Variants in TRNT1 observed in about 807,000 individuals in gnomAD.
TRNT1 encodes CCA tRNA nucleotidyltransferase 1, mitochondrial.
TRNT1 carries 44 observed loss-of-function variants against 45.6 expected under a neutral mutation model. The ratio of observed to expected loss-of-function variants is 0.97; its 90% CI spans 0.76 to 1.24. TRNT1 has a LOEUF of 1.24. TRNT1 is among the 50% of genes most tolerant of loss of function. TRNT1 has a pLI of 0.00. For synonymous variants in TRNT1, 201 were observed against 171.4 expected, an observed-to-expected ratio of 1.17 and a Z score of -1.35; for missense variants, 633 against 504.4, an observed-to-expected ratio of 1.25 and a Z score of -2.44.
downstream of TRNT1, chr3:3,150,263 A>ACTATT (rs1454942941): frequency 6.5e-6 from 1 of 152,724 alleles, no homozygotes; most frequent in African/African-American, 2.4e-5. Context: ...GGAAATGACA[A>ACTATT]CTATTCGTGG....
Position 3,129,114 on chromosome 3 carries a change from A to C in TRNT1, c.74A>C (p.Gln25Pro), listed in dbSNP as rs764391872. Residue 25 changes from glutamine (Q) to proline (P), a missense_variant, in exon 2 of 8, where the codon CAG becomes CCG. By Grantham distance (76) the Gln-to-Pro change is moderately conservative. Transcript: ENST00000251607. ...RRWSRLCLPK[Q>P]YLFTMKLQSP... ...TGGAGTAGGCTGTGCCTTCCGAAGC[A>C]GTATCTATTCACAATGAAGTTGCAG... 5 of 1,614,058 alleles carry C rather than the reference A, an allele frequency of 3.1e-6. No individual in the cohort carries two copies. The East Asian group carries it at 8.9e-5, about 29-fold the overall frequency.
intron 5 of TRNT1, chr3:3,145,502 C>CAAAAAAAAAAAA (rs5846248): frequency 1.1e-5 from 1 of 88,398 alleles, no homozygotes; most frequent in Non-Finnish European, 2.4e-5. Context: ...GACTCCATCT[C>CAAAAAAAAAAAA]AAAAAAAAAA....
intron 1 of TRNT1, 154 bp downstream of exon 1, chr3:3,127,144 A>G (rs146290215): frequency 0.011 from 1,669 of 152,372 alleles, 30 homozygotes; most frequent in Middle Eastern, 0.027. Flanking sequence ...TGGGCAAAAT[A>G]GCCCCGACGC....
At chr3:3,140,467 C>A in intron 3 of TRNT1, 43 bp from the exon 4 acceptor site, 1 of 1,595,574 alleles carries the variant, frequency 6.3e-7, no homozygotes, top group Non-Finnish European at 8.5e-7. Context: ...AGTATGAAAA[C>A]CTAATTTAAA....
downstream of TRNT1, chr3:3,149,735 A>G (rs934342250): frequency 5.3e-5 from 8 of 152,108 alleles, no homozygotes; most frequent in African/African-American, 1.2e-4. Flanking sequence ...CATTTACTCT[A>G]TTTACATAAA....
chr3:3,127,270 G>A (rs1163551793), intron 1 of TRNT1: 1 of 152,280 alleles, frequency 6.6e-6, no homozygotes, highest in African/African-American at 2.4e-5. Flanking sequence ...GGGCCTTGTC[G>A]CCAGCACCCG....
intron 4 of TRNT1, 91 bp from the exon 5 acceptor site, chr3:3,144,493 A>G: frequency 1.6e-6 from 2 of 1,251,856 alleles, no homozygotes; most frequent in Non-Finnish European, 1.1e-6. Context: ...CTGAATTTTT[A>G]CTGTTTGTGA....
chr3:3,150,916 G>A (rs377299607), downstream of TRNT1: 2 of 1,613,824 alleles, frequency 1.2e-6, no homozygotes, highest in African/African-American at 2.7e-5. Context: ...CAGTGTCTGG[G>A]ATCGTGGGCA....
chr3:3,150,659 A>G (rs1208608135), downstream of TRNT1: 36 of 517,402 alleles, frequency 7.0e-5, no homozygotes, highest in Non-Finnish European at 1.2e-4. Context: ...CTGGTATTCT[A>G]GACTGCCGTT....
At chr3:3,152,517 ACACAGTAAGTGTCTCATG>A, downstream of TRNT1, 1 of 1,614,068 alleles carries the variant, frequency 6.2e-7, no homozygotes, top group Non-Finnish European at 8.5e-7. Context: ...CAAGCCTTAT[ACACAGTAAGTGTCTCATG>A]CACATATCCA....
chr3:3,152,392 T>C (rs1575078748), downstream of TRNT1: 6 of 1,527,528 alleles, frequency 3.9e-6, no homozygotes, highest in Non-Finnish European at 5.4e-6. Flanking sequence ...CTTAGGACTC[T>C]GGATTTTTCT....
intron 4 of TRNT1, among the ~76,000 whole-genome samples, chr3:3,142,155 C>G (rs551169060): frequency 1.3e-5 from 2 of 152,114 alleles, no homozygotes; most frequent in Admixed American, 6.5e-5. Context: ...GGAAGCTGCT[C>G]CAAATAGTGC....
intron 2 of TRNT1, chr3:3,131,379 T>A (rs1461257382): frequency 3.9e-5 from 6 of 152,164 alleles, no homozygotes; most frequent in African/African-American, 1.2e-4. Flanking sequence ...TCATTCTGCA[T>A]TTTTTGGAAA....
rs1304442592 is a variant in TRNT1, at chr3:3,148,353, T to C, written c.*199T>C. ...CCTTTCTGGATCTGATTTATATCAC[T>C]GAAATGTACAGTTCTTTTGGAATAG... On this transcript the variant is annotated 3_prime_UTR_variant, in exon 8 of 8. Coordinates refer to ENST00000251607, the MANE Select transcript of TRNT1 (RefSeq NM_182916.3). 1 of 531,866 alleles carries C rather than the reference T, an allele frequency of 1.9e-6. No homozygotes were observed. 32.9% of individuals were successfully genotyped at this position (531,866 alleles called of 1,614,324 possible).
chr3:3,133,199 T>G (rs1705121140), intron 2 of TRNT1, among the ~76,000 whole-genome samples: 2 of 152,136 alleles, frequency 1.3e-5, no homozygotes. Context: ...GTTTTATAAT[T>G]TGTCAGGTTA....
chr3:3,140,630 A>G lies in TRNT1; in HGVS notation c.463A>G (p.Ile155Val), dbSNP rs770395497. The G allele has an allele frequency of 1.6e-5, 26 of 1,613,908 alleles. No homozygotes were observed. Among genetic ancestry groups the G allele is most frequent in the Non-Finnish European group, 2.0e-5 (24 of 1,179,980 alleles). Residue 155 changes from isoleucine (I) to valine (V), a missense_variant, in exon 4 of 8, where the codon ATA becomes GTA. Transcript: ENST00000251607. ...QKDAERRDLT[I>V]NSMFLGFDGT... ...AGATGCGGAACGCAGAGATCTCACT[A>G]TAAATTCTATGTTTTTAGGTAATAT...
chr3:3,140,660 A>G lies in TRNT1; in HGVS notation c.481+12A>G. On this transcript the variant is annotated intron_variant, in intron 4 of 7. Transcript: ENST00000251607. The stretch of plus-strand genomic sequence containing the variant: ...TTCTATGTTTTTAGGTAATATTTGC[A>G]GATAAAACCATATTGTGAGTCTATC... 2 of 1,613,100 alleles carry G rather than the reference A, an allele frequency of 1.2e-6. No homozygotes were observed. The highest frequency in any genetic ancestry group is 1.7e-4 in the Middle Eastern group (1 of 6,052).
Position 3,148,955 on chromosome 3 carries a change from T to C in TRNT1, c.*801T>C, listed in dbSNP as rs1310587229. 1 of 111,522 alleles carries C rather than the reference T, an allele frequency of 9.0e-6. No individual in the cohort carries two copies. The highest frequency in any genetic ancestry group is 1.9e-5 in the Non-Finnish European group (1 of 51,488). 6.9% of individuals were successfully genotyped at this position (111,522 alleles called of 1,614,324 possible). A position where few individuals can be genotyped will look rare whatever the true frequency, so the allele number is the denominator to read the frequency against. ...TTTATTAATTAAAAGGATATGGCTATTATTATATATTCTCTAAAGATTTGA... is the reference window on the plus strand; with the variant it reads ...TTTATTAATTAAAAGGATATGGCTACTATTATATATTCTCTAAAGATTTGA... On this transcript the variant is annotated 3_prime_UTR_variant, in exon 8 of 8. Transcript: ENST00000251607.
chr3:3,131,468 G>A (rs1212875523), intron 2 of TRNT1: 1 of 151,708 alleles, frequency 6.6e-6, no homozygotes, highest in East Asian at 2.0e-4. Flanking sequence ...ACCTGAAACT[G>A]GCTAGCCATA....
Sources: allele counts gnomAD v4.1 joint callset (sites outside exome capture counted in the v4.1 genomes callset), GRCh38; gene constraint gnomAD v4.1.1; transcripts MANE v1.5; gene names NCBI Gene and HGNC (gene_info 2026-07-23, HGNC 2026-07-21).